The following SOX5 variants were observed in gnomAD, a reference collection of about 807,000 sequenced individuals.
SOX5 encodes the protein SRY-box transcription factor 5.
A neutral mutation model predicts 92.0 loss-of-function variants in SOX5; 9 were observed. The observed-to-expected ratio is 0.10, with a 90% CI of 0.06 to 0.17. The LOEUF (loss-of-function observed/expected upper bound fraction) is 0.17. Among genes scored for constraint, SOX5 ranks in the 10% least tolerant of loss-of-function variants. SOX5 has a pLI of 1.00. For synonymous variants in SOX5, 344 were observed against 336.3 expected, an observed-to-expected ratio of 1.02 and a Z score of -0.25; for missense variants, 642 against 944.5, an observed-to-expected ratio of 0.68 and a Z score of 4.20.
At chr12:23,682,086 A>C (rs1031013043) in intron 6 of SOX5, among the ~76,000 whole-genome samples, 1 of 151,786 alleles carries the variant, frequency 6.6e-6, no homozygotes, top group African/African-American at 2.4e-5. Context: ...AGCTTACTCT[A>C]ATGGATATAT....
intron 2 of SOX5, among the ~76,000 whole-genome samples, chr12:24,307,386 G>C (rs923105269): frequency 2.6e-5 from 4 of 151,804 alleles, no homozygotes; most frequent in Non-Finnish European, 4.4e-5. Context: ...CAATAAATGG[G>C]CCAAATGGAA....
intron 4 of SOX5, among the ~76,000 whole-genome samples, chr12:24,042,788 T>C (rs1956645779): frequency 6.6e-6 from 1 of 152,172 alleles, no homozygotes; most frequent in Admixed American, 6.6e-5. Context: ...TTCATTACTA[T>C]ATTCAGTCAA....
At chr12:24,257,927 C>T (rs138953187) in intron 3 of SOX5, among the ~76,000 whole-genome samples, 2,273 of 152,142 alleles carry the variant, frequency 0.015, 59 homozygotes, top group African/African-American at 0.051. Context: ...GTAATCCCAG[C>T]ACTTTGGGAG....
chr12:23,895,095 G>T lies in SOX5; in HGVS notation c.270+698C>A, dbSNP rs145777825. Among the ~76,000 whole-genome samples the T allele has an allele frequency of 5.2e-3, 785 of 150,930 alleles. 4 individuals are homozygous for T. Among genetic ancestry groups the T allele is most frequent in the Non-Finnish European group, 8.4e-3 (567 of 67,844 alleles). ...AGCTGCAGCCAGAGATGTTATGCTG[G>T]CTTCTTTCCTCTCATCCACAAAGTC... On this transcript the variant is annotated intron_variant, in intron 2 of 14. Coordinates refer to ENST00000451604, the MANE Select transcript of SOX5 (RefSeq NM_006940.6).
At chr12:23,606,185 A>C (rs1279395620) in intron 8 of SOX5, among the ~76,000 whole-genome samples, 2 of 151,922 alleles carry the variant, frequency 1.3e-5, no homozygotes, top group African/African-American at 4.8e-5. Flanking sequence ...TAAAGTCTTT[A>C]AGAAAATAAC....
chr12:23,861,254 A>G (rs1350719153), intron 2 of SOX5, among the ~76,000 whole-genome samples: 1 of 152,124 alleles, frequency 6.6e-6, no homozygotes, highest in Non-Finnish European at 1.5e-5. Context: ...CATAAATGTT[A>G]GAATAAAGGG....
intron 1 of SOX5, among the ~76,000 whole-genome samples, chr12:24,394,012 C>G (rs1959213032): frequency 6.6e-6 from 1 of 152,162 alleles, no homozygotes. Flanking sequence ...GAACAGAGAC[C>G]TGACCACACT....
intron 4 of SOX5, among the ~76,000 whole-genome samples, chr12:23,993,788 C>A (rs1289334324): frequency 6.6e-6 from 1 of 151,916 alleles, no homozygotes; most frequent in Non-Finnish European, 1.5e-5. Context: ...TTTTGGGAGG[C>A]CAAGGCAGGA....
chr12:24,272,515 T>G lies in SOX5; in HGVS notation c.-77+4701A>C, dbSNP rs150562799. On this transcript the variant is annotated intron_variant, in intron 3 of 4. Transcript: ENST00000446891. ...ATTTATCTTTGCTGTATGTATTTTA[T>G]ATCACATTAAGGAAGTTCCTCCCTG... Among the ~76,000 whole-genome samples the G allele has an allele frequency of 6.3e-3, 964 of 152,300 alleles. 11 individuals carry two copies. Among genetic ancestry groups the G allele is most frequent in the African/African-American group, 0.022 (909 of 41,578 alleles).
intron 6 of SOX5, among the ~76,000 whole-genome samples, chr12:23,719,627 T>C (rs147258039): frequency 6.6e-6 from 1 of 151,740 alleles, no homozygotes; most frequent in South Asian, 2.1e-4. Context: ...GATGGTGGCA[T>C]GCACCTGTGG....
chr12:24,159,718 G>C (rs768312470), intron 4 of SOX5, among the ~76,000 whole-genome samples: 2 of 151,882 alleles, frequency 1.3e-5, no homozygotes, highest in Non-Finnish European at 2.9e-5. Context: ...AATATTCTGG[G>C]ATCAGTATCA....
intron 5 of SOX5, among the ~76,000 whole-genome samples, chr12:23,736,972 C>T (rs528934841): frequency 4.0e-4 from 61 of 151,284 alleles, no homozygotes; most frequent in African/African-American, 1.3e-3. Flanking sequence ...GGATTACAGG[C>T]GTGAGCCACA....
intron 1 of SOX5, among the ~76,000 whole-genome samples, chr12:23,931,507 T>G (rs1326318468): frequency 2.0e-5 from 3 of 151,730 alleles, no homozygotes; most frequent in Admixed American, 6.6e-5. Flanking sequence ...AGAGGCATGG[T>G]ATAAAGTAGT....
intron 1 of SOX5, among the ~76,000 whole-genome samples, chr12:24,519,476 A>C (rs1950078561): frequency 6.6e-6 from 1 of 152,158 alleles, no homozygotes; most frequent in African/African-American, 2.4e-5. Flanking sequence ...TCACTAAGTA[A>C]ATAGATTTGA....
chr12:23,788,520 A>T (rs1426231879), intron 3 of SOX5, among the ~76,000 whole-genome samples: 1 of 122,210 alleles, frequency 8.2e-6, no homozygotes, highest in Non-Finnish European at 1.7e-5. Flanking sequence ...TTACGAGGTA[A>T]TGTCAAAGCA....
intron 2 of SOX5, among the ~76,000 whole-genome samples, chr12:24,296,188 T>C (rs1250946014): frequency 6.6e-6 from 1 of 152,240 alleles, no homozygotes; most frequent in African/African-American, 2.4e-5. Context: ...TTAGCAGAAG[T>C]ATCTCTTTAT....
At chr12:23,645,462 A>C (rs2080713630) in intron 7 of SOX5, among the ~76,000 whole-genome samples, 1 of 152,186 alleles carries the variant, frequency 6.6e-6, no homozygotes, top group Non-Finnish European at 1.5e-5. Flanking sequence ...AAGTTTTAAG[A>C]AGCCTCATTA....
At chr12:23,672,034 G>A (rs1242548373) in intron 6 of SOX5, among the ~76,000 whole-genome samples, 1 of 150,770 alleles carries the variant, frequency 6.6e-6, no homozygotes, top group Non-Finnish European at 1.5e-5. Flanking sequence ...AAAGACAGAT[G>A]GTTCTACTAA....
At chr12:24,020,859 G>A (rs1431001821) in intron 4 of SOX5, among the ~76,000 whole-genome samples, 2 of 152,204 alleles carry the variant, frequency 1.3e-5, no homozygotes, top group East Asian at 1.9e-4. Context: ...ATTCTCAATC[G>A]CTTCTCTTCT....
Sources: gnomAD v4.1 joint callset for allele counts (sites outside exome capture counted in the v4.1 genomes callset) on GRCh38, gnomAD v4.1.1 for gene constraint, MANE v1.5 for transcripts, NCBI Gene and HGNC (gene_info 2026-07-23, HGNC 2026-07-21) for gene names.